The following GRM5 variants were observed in gnomAD, a reference collection of about 807,000 sequenced individuals.
GRM5 encodes metabotropic glutamate receptor 5.
A neutral mutation model predicts 83.1 loss-of-function variants in GRM5; 19 were observed. The ratio of observed to expected loss-of-function variants is 0.23; its 90% CI spans 0.16 to 0.34. The LOEUF is 0.34. GRM5 is among the 10% of genes least tolerant of loss of function. GRM5 has a pLI of 1.00. For missense variants in GRM5, 1,160 were observed against 1,588.3 expected (o/e 0.73, Z 4.58); for synonymous variants, 675 against 633.6 (o/e 1.07, Z -0.98).
At chr11:88,858,790 T>A (rs1944515905) in intron 2 of GRM5, among the ~76,000 whole-genome samples, 1 of 152,010 alleles carries the variant, frequency 6.6e-6, no homozygotes, top group Non-Finnish European at 1.5e-5. Context: ...TTTAAATTTC[T>A]GTGAAATAGC....
chr11:88,620,974 C>T (rs915044599), intron 4 of GRM5, among the ~76,000 whole-genome samples: 6 of 152,182 alleles, frequency 3.9e-5, no homozygotes, highest in African/African-American at 1.4e-4. Flanking sequence ...CCGTGCAGAA[C>T]ATCAAATTTT....
At chr11:88,802,409 G>A (rs553925753) in intron 3 of GRM5, among the ~76,000 whole-genome samples, 57 of 152,170 alleles carry the variant, frequency 3.7e-4, no homozygotes, top group African/African-American at 1.3e-3. Flanking sequence ...TGAAACTAGA[G>A]GTCATTATAA....
chr11:88,548,921 C>T (rs1419160883), intron 8 of GRM5, among the ~76,000 whole-genome samples: 1 of 152,138 alleles, frequency 6.6e-6, no homozygotes, highest in East Asian at 1.9e-4. Flanking sequence ...AAATTAGTTG[C>T]TGAGGGTGGA....
At chr11:88,597,089 G>A in intron 6 of GRM5, 95 bp downstream of exon 6, 1 of 723,938 alleles carries the variant, frequency 1.4e-6, no homozygotes, top group Non-Finnish European at 2.2e-6. Context: ...AATATAAAAA[G>A]TAAAATAAGT....
At chr11:88,863,718 A>AT (rs34741020) in intron 2 of GRM5, among the ~76,000 whole-genome samples, 2 of 151,724 alleles carry the variant, frequency 1.3e-5, no homozygotes, top group Non-Finnish European at 2.9e-5. Context: ...TTTAACTTTT[A>AT]TTTTTTTATA....
intron 2 of GRM5, among the ~76,000 whole-genome samples, chr11:88,998,269 A>T (rs1402978129): frequency 6.6e-6 from 1 of 152,170 alleles, no homozygotes; most frequent in Non-Finnish European, 1.5e-5. Flanking sequence ...TATTCCAGGG[A>T]TGCGAGGTTG....
intron 3 of GRM5, among the ~76,000 whole-genome samples, chr11:88,662,686 C>T (rs1939938229): frequency 6.6e-6 from 1 of 152,082 alleles, no homozygotes; most frequent in African/African-American, 2.4e-5. Context: ...ATGAGGGGGA[C>T]TTGACATGAG....
At chr11:89,038,653 T>C (rs1042669428) in intron 2 of GRM5, among the ~76,000 whole-genome samples, 2 of 152,200 alleles carry the variant, frequency 1.3e-5, no homozygotes, top group Admixed American at 1.3e-4. Context: ...GGAAAGGTGC[T>C]GCTTTCAAAG....
intron 4 of GRM5, among the ~76,000 whole-genome samples, chr11:88,629,206 C>T (rs1305261397): frequency 3.9e-5 from 6 of 152,198 alleles, no homozygotes; most frequent in African/African-American, 1.2e-4. Flanking sequence ...CTATTGGTAG[C>T]GGCAAAATTC....
chr11:88,817,446 ATTATT>A (rs1365175368), intron 3 of GRM5, among the ~76,000 whole-genome samples: 1 of 152,078 alleles, frequency 6.6e-6, no homozygotes, highest in Admixed American at 6.5e-5. Context: ...ACCCTGAAAA[ATTATT>A]TTCCAGTTTC....
At chr11:88,527,586 C>T (rs1165541599) in intron 8 of GRM5, among the ~76,000 whole-genome samples, 2 of 152,110 alleles carry the variant, frequency 1.3e-5, no homozygotes, top group African/African-American at 2.4e-5. Flanking sequence ...AATCCCATTA[C>T]TGGTCATATA....
intron 4 of GRM5, among the ~76,000 whole-genome samples, chr11:88,624,978 C>A (rs1938751999): frequency 6.6e-6 from 1 of 152,106 alleles, no homozygotes; most frequent in African/African-American, 2.4e-5. Context: ...AGCCACTGTT[C>A]TGCATGAGGT....
chr11:88,646,333 A>ACTT (rs1179445711), intron 4 of GRM5, among the ~76,000 whole-genome samples: 1 of 148,702 alleles, frequency 6.7e-6, no homozygotes, highest in African/African-American at 2.4e-5. Context: ...ATTAAATTCG[A>ACTT]CTTATAATTT....
intron 2 of GRM5, among the ~76,000 whole-genome samples, chr11:88,898,701 C>T (rs1021726314): frequency 6.6e-6 from 1 of 151,744 alleles, no homozygotes; most frequent in African/African-American, 2.4e-5. Flanking sequence ...CCCTTTTCTC[C>T]CAGGTATTTA....
intron 5 of GRM5, 36 bp from the exon 6 acceptor site, chr11:88,597,388 G>A (rs1312358380): frequency 8.8e-7 from 1 of 1,139,106 alleles, no homozygotes; most frequent in Non-Finnish European, 1.3e-6. Context: ...TGCAGCTTAA[G>A]ATGTAAATAC....
intron 4 of GRM5, among the ~76,000 whole-genome samples, chr11:88,609,224 C>G (rs1938251049): frequency 6.6e-6 from 1 of 152,146 alleles, no homozygotes; most frequent in African/African-American, 2.4e-5. Context: ...TTAGCGCCCA[C>G]TTATAAATGA....
chr11:89,036,014 A>AT (rs1267846728), intron 2 of GRM5, among the ~76,000 whole-genome samples: 3 of 151,946 alleles, frequency 2.0e-5, no homozygotes, highest in Non-Finnish European at 2.9e-5. Context: ...GCTTGTACCT[A>AT]TTTTTTTCAC....
chr11:88,875,474 C>A (rs1418353870), intron 2 of GRM5, among the ~76,000 whole-genome samples: 1 of 151,912 alleles, frequency 6.6e-6, no homozygotes, highest in African/African-American at 2.4e-5. Flanking sequence ...GGGTTGGAAT[C>A]AACTTTTTCC....
intron 4 of GRM5, among the ~76,000 whole-genome samples, chr11:88,617,259 CACA>C (rs2135250904): frequency 6.6e-6 from 1 of 152,256 alleles, no homozygotes; most frequent in Non-Finnish European, 1.5e-5. Flanking sequence ...ATGGAGTAAG[CACA>C]CTCTGATTCT....
Sources: allele counts gnomAD v4.1 joint callset (sites outside exome capture counted in the v4.1 genomes callset), GRCh38; gene constraint gnomAD v4.1.1; transcripts MANE v1.5; gene names NCBI Gene and HGNC (gene_info 2026-07-23, HGNC 2026-07-21).